COL6A6: variants seen among roughly 807,000 people sequenced by gnomAD.
COL6A6 encodes collagen type VI alpha 6 chain.
A neutral mutation model predicts 208.6 loss-of-function variants in COL6A6; 183 were observed. The observed-to-expected ratio is 0.88, with a 90% CI of 0.78 to 0.99. The LOEUF is 0.99. COL6A6 is among the 50% of genes least tolerant of loss of function. COL6A6 has a pLI of 0.00. For synonymous variants in COL6A6, 973 were observed against 1,011.8 expected (o/e 0.96, Z 0.73); for missense variants, 2,816 against 2,815.2 (o/e 1.00, Z -0.01).
intron 1 of COL6A6, among the ~76,000 whole-genome samples, chr3:130,559,631 A>G (rs2062837007): frequency 6.6e-6 from 1 of 152,176 alleles, no homozygotes; most frequent in Non-Finnish European, 1.5e-5. Flanking sequence ...TTAAATATTT[A>G]TTTTCAATGC....
At chr3:130,599,978 C>A (rs1340222216) in intron 20 of COL6A6, among the ~76,000 whole-genome samples, 168 bp downstream of exon 20, 1 of 152,096 alleles carries the variant, frequency 6.6e-6, no homozygotes, top group African/African-American at 2.4e-5. Flanking sequence ...CTTGGGAAAG[C>A]CCTGGAAGCT....
intron 36 of COL6A6, among the ~76,000 whole-genome samples, chr3:130,665,587 T>G (rs1349117812): frequency 1.3e-5 from 2 of 152,184 alleles, no homozygotes; most frequent in Non-Finnish European, 2.9e-5. Context: ...TTGAGTAAGT[T>G]GAACGTTAGA....
Position 130,599,669 on chromosome 3 carries a change from A to G in COL6A6, c.4600-88A>G, listed in dbSNP as rs185596164. 876 of 1,349,284 alleles carry G rather than the reference A, an allele frequency of 6.5e-4. No homozygotes were observed. In the Middle Eastern group the frequency reaches 7.6e-3, roughly 12 times the overall value. 83.6% of individuals were successfully genotyped at this position (1,349,284 alleles called of 1,614,324 possible). ...CTCTCATTGGTGTGTGAACCTATCT[A>G]TCCTCCCTGGAGTAAAAGTTGATGT... is the stretch of plus-strand genomic sequence containing the variant. On this transcript the variant is annotated intron_variant, in intron 19 of 36. Coordinates refer to ENST00000358511, the MANE Select transcript of COL6A6 (RefSeq NM_001102608.3).
Position 130,644,981 on chromosome 3 carries a change from T to G in COL6A6, c.5228-10T>G. On this transcript the variant is annotated splice_polypyrimidine_tract_variant and intron_variant, in intron 31 of 36. Coordinates refer to ENST00000358511, the MANE Select transcript of COL6A6 (RefSeq NM_001102608.3). ...ATAATAATCCAATCTCCTTTGTTCTTCTTCCCCAGCTGGCAGGCATGGTGA... is the reference window on the plus strand; with the variant it reads ...ATAATAATCCAATCTCCTTTGTTCTGCTTCCCCAGCTGGCAGGCATGGTGA... 6.2e-7 allele frequency: 1 copy of G among 1,611,674 alleles called. No homozygotes were observed. Among genetic ancestry groups the G allele is most frequent in the Non-Finnish European group, 8.5e-7 (1 of 1,177,870 alleles).
chr3:130,547,613 T>A (rs918094161), intron 1 of COL6A6, among the ~76,000 whole-genome samples: 10 of 151,990 alleles, frequency 6.6e-5, no homozygotes, highest in African/African-American at 2.2e-4. Flanking sequence ...TGTTGTCACC[T>A]CTCAATGTGT....
chr3:130,584,739 C>T (rs1479301753), intron 10 of COL6A6, among the ~76,000 whole-genome samples: 1 of 151,950 alleles, frequency 6.6e-6, no homozygotes, highest in Non-Finnish European at 1.5e-5. Flanking sequence ...GTCAGCCTCC[C>T]GAGTAGCTGG....
intron 36 of COL6A6, among the ~76,000 whole-genome samples, chr3:130,670,340 C>G (rs2066181160): frequency 6.6e-6 from 1 of 152,240 alleles, no homozygotes; most frequent in South Asian, 2.1e-4. Flanking sequence ...CTAAGTGCTA[C>G]AAGCTGGTTA....
intron 18 of COL6A6, among the ~76,000 whole-genome samples, chr3:130,594,978 T>C (rs1449623985): frequency 6.6e-6 from 1 of 152,182 alleles, no homozygotes; most frequent in Non-Finnish European, 1.5e-5. Flanking sequence ...GGCCCCACTG[T>C]TGATATGTGG....
chr3:130,590,278 T>C (rs2063649227), intron 12 of COL6A6, among the ~76,000 whole-genome samples: 1 of 21,444 alleles, frequency 4.7e-5, no homozygotes, highest in Non-Finnish European at 1.0e-4. Context: ...TATATATATA[T>C]ATATATATAT....
chr3:130,662,119 T>C lies in COL6A6; in HGVS notation c.6313T>C (p.Ser2105Pro). Residue 2105 changes from serine to proline, a missense_variant, in exon 35 of 37, where the codon TCC becomes CCC. Coordinates refer to ENST00000358511, the MANE Select transcript of COL6A6 (RefSeq NM_001102608.3). ...HLDGEILKKE[S>P]LRAKCQGYAL... ...AGATGGGGAAATCTTAAAGAAGGAA[T>C]CCTTGCGAGCCAAATGTCAGGGATA... 1.9e-6 allele frequency: 3 copies of C among 1,614,004 alleles called. No homozygotes were observed. The South Asian group carries it at 3.3e-5, about 18-fold the overall frequency.
rs141608484 is a variant in COL6A6 at position 130,663,195 on chromosome 3, G to C, written c.6502+887G>C. On this transcript the variant is annotated intron_variant, in intron 35 of 36. Coordinates refer to ENST00000358511, the MANE Select transcript of COL6A6 (RefSeq NM_001102608.3). Reference sequence around the variant, plus strand: ...TGTAGAGACACAGACTTATCAGTCAGTGTAGGGTGAGGTCTAAGGAGCCTT... The same window carrying C: ...TGTAGAGACACAGACTTATCAGTCACTGTAGGGTGAGGTCTAAGGAGCCTT... 2.3e-3 allele frequency among the ~76,000 whole-genome samples: 355 copies of C among 152,314 alleles called. 1 individual carries two copies. The highest frequency in any genetic ancestry group is 8.0e-3 in the African/African-American group (333 of 41,564).
intron 1 of COL6A6, among the ~76,000 whole-genome samples, chr3:130,523,581 G>A (rs1410439468): frequency 6.6e-6 from 1 of 152,146 alleles, no homozygotes; most frequent in Non-Finnish European, 1.5e-5. Flanking sequence ...TGGATCTGGG[G>A]TTCCTGACAC....
intron 21 of COL6A6, 121 bp from the exon 22 acceptor site, chr3:130,608,763 CTTTTTTTTTTTTTTTTTT>C: frequency 3.2e-6 from 1 of 308,646 alleles, no homozygotes; most frequent in Non-Finnish European, 5.4e-6. Context: ...TATTTTTCAC[CTTTTTTTTTTTTTTTTTT>C]TTTTTTTTTG....
intron 1 of COL6A6, among the ~76,000 whole-genome samples, chr3:130,541,697 A>G (rs2062367292): frequency 6.6e-6 from 1 of 152,182 alleles, no homozygotes; most frequent in Admixed American, 6.5e-5. Flanking sequence ...CTGATGACAT[A>G]TAGTGTATTC....
chr3:130,582,343 G>C (rs183683697), intron 10 of COL6A6, among the ~76,000 whole-genome samples: 1 of 152,086 alleles, frequency 6.6e-6, no homozygotes, highest in Non-Finnish European at 1.5e-5. Context: ...CTTTCCTGGA[G>C]AATGTTCCTT....
intron 22 of COL6A6, among the ~76,000 whole-genome samples, 191 bp downstream of exon 22, chr3:130,609,155 G>A (rs546968236): frequency 6.6e-6 from 1 of 152,298 alleles, no homozygotes; most frequent in East Asian, 1.9e-4. Context: ...TTTTGTCCCA[G>A]TCAAGAAGTG....
chr3:130,591,202 C>G, intron 13 of COL6A6, 108 bp downstream of exon 13: 2 of 826,272 alleles, frequency 2.4e-6, no homozygotes, highest in Non-Finnish European at 4.0e-6. Context: ...TCTAAGGATT[C>G]GTGTACAGAA....
chr3:130,591,317 A>G (rs80102426), intron 13 of COL6A6, among the ~76,000 whole-genome samples: 3,177 of 152,266 alleles, frequency 0.021, 113 homozygotes, highest in African/African-American at 0.072. Context: ...TGCACAATGA[A>G]TTCAATGCGG....
chr3:130,643,465 C>G (rs2065376689), intron 31 of COL6A6, among the ~76,000 whole-genome samples: 1 of 152,068 alleles, frequency 6.6e-6, no homozygotes, highest in Admixed American at 6.5e-5. Flanking sequence ...TATTCCTTTC[C>G]CGGGAAGATA....
Sources: allele counts gnomAD v4.1 joint callset (sites outside exome capture counted in the v4.1 genomes callset), GRCh38; gene constraint gnomAD v4.1.1; transcripts MANE v1.5; gene names NCBI Gene and HGNC (gene_info 2026-07-23, HGNC 2026-07-21).